GEMIN8: variants seen among roughly 807,000 people sequenced by gnomAD.
The protein encoded by GEMIN8 is gem nuclear organelle associated protein 8, also known as gem-associated protein 8.
For missense variants in GEMIN8, 185 were observed against 205.9 expected, an observed-to-expected ratio of 0.90 and a Z score of 0.62; for synonymous variants, 80 against 78.5, an observed-to-expected ratio of 1.02 and a Z score of -0.10.
At chrX:13,987,240 CA>C in the GEMIN8 span, among the ~76,000 whole-genome samples, 1 of 111,882 alleles carries the variant, frequency 8.9e-6, no homozygotes, top group Non-Finnish European at 1.9e-5. Flanking sequence ...GTAGTGGGTT[CA>C]AATCTTGGCC....
At chrX:14,028,804 A>G (rs997715374) in intron 1 of GEMIN8, among the ~76,000 whole-genome samples, 6 of 112,329 alleles carry the variant, frequency 5.3e-5, no homozygotes, top group African/African-American at 1.3e-4. Context: ...CTTTAAAAAT[A>G]TATGGTTTCT....
chrX:14,024,770 C>A (rs1219295341), intron 2 of GEMIN8, among the ~76,000 whole-genome samples: 2 of 111,866 alleles, frequency 1.8e-5, no homozygotes, highest in African/African-American at 6.5e-5. Flanking sequence ...TATATTAATT[C>A]ATCAGCTAAG....
downstream of GEMIN8, among the ~76,000 whole-genome samples, chrX:14,005,688 G>A (rs1603180569): frequency 8.9e-6 from 1 of 112,091 alleles, no homozygotes; most frequent in Admixed American, 9.5e-5. Flanking sequence ...CCTACTACTT[G>A]TGATTGGCAT....
chrX:14,009,909 G>T (rs1195912774), intron 4 of GEMIN8, among the ~76,000 whole-genome samples: 2 of 112,264 alleles, frequency 1.8e-5, no homozygotes, highest in African/African-American at 6.5e-5. Flanking sequence ...AGTATGCAAT[G>T]ATGATGGATG....
chrX:13,993,441 CT>C, the GEMIN8 span, among the ~76,000 whole-genome samples: 4,723 of 90,574 alleles, frequency 0.052, 222 homozygotes, highest in African/African-American at 0.14. Flanking sequence ...GTTGTGTATA[CT>C]TTTTTTTTTT....
intron 4 of GEMIN8, among the ~76,000 whole-genome samples, chrX:14,016,867 ATAT>A (rs574481791): frequency 0.013 from 523 of 40,735 alleles, 6 homozygotes; most frequent in African/African-American, 0.029. Context: ...AAAAAAAAAA[ATAT>A]ATATATATAT....
chrX:14,009,285 C>T, intron 4 of GEMIN8, 116 bp from the exon 5 acceptor site: 1 of 721,936 alleles, frequency 1.4e-6, no homozygotes, highest in East Asian at 3.3e-5. Context: ...TAAGGTCCCT[C>T]ATCTTTCCCT....
At chrX:14,011,465 C>A (rs1923528862) in intron 4 of GEMIN8, among the ~76,000 whole-genome samples, 1 of 109,089 alleles carries the variant, frequency 9.2e-6, no homozygotes, top group Non-Finnish European at 1.9e-5. Context: ...ACAACACAGT[C>A]CCTCTGCCAT....
the GEMIN8 span, among the ~76,000 whole-genome samples, chrX:13,984,415 G>C: frequency 8.9e-6 from 1 of 112,221 alleles, no homozygotes; most frequent in Non-Finnish European, 1.9e-5. Context: ...CTATGGCCTG[G>C]CTCAGATACC....
chrX:14,028,062 T>A (rs893232993), intron 1 of GEMIN8, among the ~76,000 whole-genome samples: 1 of 112,202 alleles, frequency 8.9e-6, no homozygotes, highest in South Asian at 3.7e-4. Context: ...GGCGTCTTAT[T>A]TCAAATTTAC....
chrX:13,993,099 G>A, the GEMIN8 span, among the ~76,000 whole-genome samples: 2 of 112,120 alleles, frequency 1.8e-5, no homozygotes, highest in African/African-American at 6.5e-5. Context: ...CCATCAATTC[G>A]CATTACTGTC....
chrX:14,014,059 G>A, intron 4 of GEMIN8: 2 of 749,881 alleles, frequency 2.7e-6, no homozygotes, highest in South Asian at 6.8e-5. Context: ...CAGGACTTCA[G>A]AGAATCTTAT....
At chrX:14,013,343 T>C (rs765196890) in intron 4 of GEMIN8, among the ~76,000 whole-genome samples, 1 of 112,256 alleles carries the variant, frequency 8.9e-6, no homozygotes, top group Admixed American at 9.4e-5. Context: ...TAGGACTCAA[T>C]GTTGCCATAC....
chrX:14,026,099 T>A, intron 2 of GEMIN8, 41 bp downstream of exon 2: 2 of 745,760 alleles, frequency 2.7e-6, no homozygotes, highest in Non-Finnish European at 3.2e-6. Flanking sequence ...TAGATGCCCT[T>A]TGGTCTTTAA....
intron 4 of GEMIN8, chrX:14,014,640 GC>G (rs949396020): frequency 2.6e-6 from 1 of 381,407 alleles, no homozygotes; most frequent in African/African-American, 2.8e-5. Flanking sequence ...TAAATACTGG[GC>G]CATAAACTTC....
chrX:14,020,568 A>G (rs1415898277), intron 3 of GEMIN8, 34 bp from the exon 4 acceptor site: 2 of 887,077 alleles, frequency 2.3e-6, no homozygotes, highest in African/African-American at 3.9e-5. Flanking sequence ...GGTGGACACC[A>G]AAGTGTTTAT....
intron 1 of GEMIN8, among the ~76,000 whole-genome samples, chrX:14,027,438 C>A (rs1924755404): frequency 8.9e-6 from 1 of 112,854 alleles, no homozygotes; most frequent in Non-Finnish European, 1.9e-5. Flanking sequence ...CAGGCCTACT[C>A]AAGTGCACAT....
the GEMIN8 span, among the ~76,000 whole-genome samples, chrX:14,001,545 A>C: frequency 9.0e-6 from 1 of 111,052 alleles, no homozygotes; most frequent in African/African-American, 3.3e-5. Context: ...CCCCTGAGAC[A>C]GAGTCTCACT....
At chrX:13,986,962 T>C in the GEMIN8 span, among the ~76,000 whole-genome samples, 1 of 112,872 alleles carries the variant, frequency 8.9e-6, no homozygotes, top group Non-Finnish European at 1.9e-5. Flanking sequence ...TTAATAGTTT[T>C]ATTTAAGGAA....
Sources: gnomAD v4.1 joint callset for allele counts (sites outside exome capture counted in the v4.1 genomes callset) on GRCh38, gnomAD v4.1.1 for gene constraint, MANE v1.5 for transcripts, NCBI Gene and HGNC (gene_info 2026-07-23, HGNC 2026-07-21) for gene names.